NLGN1: variants seen among roughly 807,000 people sequenced by gnomAD.
NLGN1 encodes the protein neuroligin-1.
Under a neutral mutation model 65.5 loss-of-function variants are expected in NLGN1, and 12 were observed. The observed-to-expected ratio is 0.18, with a 90% CI of 0.12 to 0.30. The LOEUF is 0.30. NLGN1 is among the 10% of genes least tolerant of loss of function. The probability of loss-of-function intolerance (pLI) is 1.00; values close to 1 mark genes in which losing one functional copy is unlikely to be tolerated. For synonymous variants in NLGN1, 350 were observed against 359.5 expected (o/e 0.97, Z 0.30); for missense variants, 750 against 1,007.1 (o/e 0.74, Z 3.46).
intron 4 of NLGN1, among the ~76,000 whole-genome samples, chr3:174,244,213 T>A (rs1402191198): frequency 6.6e-6 from 1 of 152,216 alleles, no homozygotes; most frequent in Non-Finnish European, 1.5e-5. Flanking sequence ...AAAGTTTATG[T>A]TCTTAGTCAT....
intron 2 of NLGN1, among the ~76,000 whole-genome samples, chr3:173,555,432 T>G (rs1472716329): frequency 6.6e-6 from 1 of 152,158 alleles, no homozygotes; most frequent in Non-Finnish European, 1.5e-5. Flanking sequence ...TTAGTTCACA[T>G]TTATCTATTT....
At chr3:173,847,013 T>TA (rs1286417854) in intron 4 of NLGN1, among the ~76,000 whole-genome samples, 1 of 152,200 alleles carries the variant, frequency 6.6e-6, no homozygotes, top group Non-Finnish European at 1.5e-5. Flanking sequence ...ACCTTTTTTT[T>TA]AATTGTGTTA....
intron 4 of NLGN1, among the ~76,000 whole-genome samples, chr3:173,951,079 C>G (rs1293569067): frequency 2.0e-5 from 3 of 152,030 alleles, no homozygotes; most frequent in Non-Finnish European, 4.4e-5. Context: ...GTTGGCCAGG[C>G]TGGTCTCGAA....
chr3:173,750,133 A>T (rs1411342115), intron 3 of NLGN1, among the ~76,000 whole-genome samples: 2 of 152,010 alleles, frequency 1.3e-5, no homozygotes, highest in Admixed American at 1.3e-4. Context: ...TCCTGCCCTG[A>T]TTCGCCCTGT....
At chr3:173,942,311 CTTAA>C (rs1468575145) in intron 4 of NLGN1, among the ~76,000 whole-genome samples, 1 of 152,014 alleles carries the variant, frequency 6.6e-6, no homozygotes, top group Non-Finnish European at 1.5e-5. Context: ...GTCACATCTA[CTTAA>C]TTAATTTATA....
chr3:173,940,553 C>G (rs1027180515), intron 4 of NLGN1, among the ~76,000 whole-genome samples: 48 of 152,076 alleles, frequency 3.2e-4, no homozygotes, highest in Admixed American at 3.1e-3. Flanking sequence ...ATGTGTCATT[C>G]GGAAAAACTG....
intron 4 of NLGN1, among the ~76,000 whole-genome samples, chr3:174,200,314 A>C (rs1438674621): frequency 6.6e-6 from 1 of 152,232 alleles, no homozygotes; most frequent in Non-Finnish European, 1.5e-5. Flanking sequence ...AATATTAGCT[A>C]TTCAACTTCT....
intron 4 of NLGN1, among the ~76,000 whole-genome samples, chr3:174,185,210 A>G (rs1413788962): frequency 2.6e-5 from 4 of 152,068 alleles, no homozygotes; most frequent in Non-Finnish European, 4.4e-5. Context: ...CACACTCTAC[A>G]TGTATTAACA....
chr3:173,853,067 C>T (rs1560496532), intron 4 of NLGN1, among the ~76,000 whole-genome samples: 1 of 152,134 alleles, frequency 6.6e-6, no homozygotes, highest in Non-Finnish European at 1.5e-5. Flanking sequence ...TACCCGTCTC[C>T]TTCACTTTGC....
chr3:173,996,372 C>A (rs113720610), intron 4 of NLGN1, among the ~76,000 whole-genome samples: 1 of 152,092 alleles, frequency 6.6e-6, no homozygotes, highest in African/African-American at 2.4e-5. Context: ...CACAGATTGC[C>A]GACTCACACC....
At chr3:173,796,900 C>T (rs1714200172) in intron 3 of NLGN1, among the ~76,000 whole-genome samples, 3 of 152,138 alleles carry the variant, frequency 2.0e-5, no homozygotes, top group South Asian at 4.1e-4. Flanking sequence ...TGACTGTCTA[C>T]TTTTCATAAA....
At chr3:173,928,536 A>T (rs1743441250) in intron 4 of NLGN1, among the ~76,000 whole-genome samples, 1 of 152,188 alleles carries the variant, frequency 6.6e-6, no homozygotes, top group Non-Finnish European at 1.5e-5. Context: ...TATTCATTGA[A>T]TTGAATTAAA....
In NLGN1 at chr3:174,231,901, G is replaced by A. The variant is rs528305637; in HGVS notation, c.647-43414G>A. Among the ~76,000 whole-genome samples, 3 of 152,256 alleles carry A rather than the reference G, an allele frequency of 2.0e-5. No individual in the cohort carries two copies. In the East Asian group the frequency reaches 5.8e-4, roughly 29 times the overall value. ...AAGTCTAGGTTTTCTCCTCTATGAA[G>A]TTACATATCCCTTAACTTATGGGAT... is the stretch of plus-strand genomic sequence containing the variant. On this transcript the variant is annotated intron_variant, in intron 4 of 6. Transcript: ENST00000457714.
intron 2 of NLGN1, among the ~76,000 whole-genome samples, chr3:173,570,697 C>T (rs1744508700): frequency 6.6e-6 from 1 of 152,086 alleles, no homozygotes; most frequent in African/African-American, 2.4e-5. Flanking sequence ...TATTTGTTTA[C>T]AAATTAAAGT....
chr3:174,070,070 A>G (rs1014989327), intron 4 of NLGN1, among the ~76,000 whole-genome samples: 4 of 152,190 alleles, frequency 2.6e-5, no homozygotes, highest in African/African-American at 9.6e-5. Flanking sequence ...CGCTGTTCTT[A>G]TGGTGACGAT....
At chr3:173,797,638 T>G (rs1351189517) in intron 3 of NLGN1, among the ~76,000 whole-genome samples, 1 of 143,248 alleles carries the variant, frequency 7.0e-6, no homozygotes, top group Non-Finnish European at 1.5e-5. Flanking sequence ...GTTTCCTAAG[T>G]AAGGAAGGTA....
In NLGN1 at chr3:173,639,145, A is replaced by ATC. The variant is rs1468561924; in HGVS notation, c.493+34055_493+34056insCT. On this transcript the variant is annotated intron_variant, in intron 3 of 6. Coordinates refer to ENST00000457714, the Ensembl canonical transcript of NLGN1. ...CACTATGTTTGCTTCCTCACCCTAA[A>ATC]TGTGAATGGAACAGGCCATTAAGAA... Among the ~76,000 whole-genome samples the ATC allele has an allele frequency of 2.6e-5, 4 of 152,202 alleles. No homozygotes were observed. The East Asian group carries it at 7.7e-4, about 29-fold the overall frequency.
At chr3:173,676,267 A>T (rs916440898) in intron 3 of NLGN1, among the ~76,000 whole-genome samples, 11 of 152,150 alleles carry the variant, frequency 7.2e-5, no homozygotes, top group African/African-American at 2.7e-4. Flanking sequence ...AGACTATAGA[A>T]TCTTAGCAGT....
At chr3:173,940,608 C>T (rs1745914250) in intron 4 of NLGN1, among the ~76,000 whole-genome samples, 1 of 152,078 alleles carries the variant, frequency 6.6e-6, no homozygotes, top group Admixed American at 6.6e-5. Flanking sequence ...CCTCCAAGTG[C>T]CAAAACAAGA....
Sources: allele counts gnomAD v4.1 joint callset (sites outside exome capture counted in the v4.1 genomes callset), GRCh38; gene constraint gnomAD v4.1.1; transcripts MANE v1.5; gene names NCBI Gene and HGNC (gene_info 2026-07-23, HGNC 2026-07-21).